The following TOX variants were observed in gnomAD, a reference collection of about 807,000 sequenced individuals.
The protein encoded by TOX is thymocyte selection associated high mobility group box, also known as thymocyte selection-associated high mobility group box protein TOX.
A neutral mutation model predicts 53.7 loss-of-function variants in TOX; 11 were observed. The observed-to-expected ratio is 0.20, with a 90% CI of 0.13 to 0.34. The LOEUF (loss-of-function observed/expected upper bound fraction) is 0.34, where lower values mean the gene tolerates loss of function less well. TOX is among the 10% of genes least tolerant of loss of function. The pLI is 1.00. For missense variants in TOX, 570 were observed against 664.6 expected (o/e 0.86, Z 1.56); for synonymous variants, 225 against 245.3 (o/e 0.92, Z 0.77).
intron 1 of TOX, among the ~76,000 whole-genome samples, chr8:58,995,093 T>C (rs1813537222): frequency 6.6e-6 from 1 of 152,222 alleles, no homozygotes; most frequent in East Asian, 1.9e-4. Context: ...AAAGCTTATT[T>C]AAAATTTTTA....
chr8:58,973,081 A>C (rs918930067), intron 1 of TOX, among the ~76,000 whole-genome samples: 1 of 152,326 alleles, frequency 6.6e-6, no homozygotes, highest in African/African-American at 2.4e-5. Flanking sequence ...CATTTATTTT[A>C]GATTTTTATT....
intron 2 of TOX, among the ~76,000 whole-genome samples, chr8:58,957,298 A>C (rs1812725748): frequency 6.6e-6 from 1 of 152,262 alleles, no homozygotes; most frequent in South Asian, 2.1e-4. Flanking sequence ...TATAGGAGAA[A>C]ACAGTCAATA....
intron 3 of TOX, among the ~76,000 whole-genome samples, chr8:58,909,616 A>T (rs1033771951): frequency 6.6e-6 from 1 of 152,014 alleles, no homozygotes; most frequent in Non-Finnish European, 1.5e-5. Flanking sequence ...ACAAAAATTT[A>T]ATGTTTGAGA....
At chr8:59,064,184 T>C (rs1372233380) in intron 1 of TOX, among the ~76,000 whole-genome samples, 2 of 152,178 alleles carry the variant, frequency 1.3e-5, no homozygotes, top group Non-Finnish European at 2.9e-5. Flanking sequence ...GTTTCCTCTA[T>C]TACAAGGATA....
chr8:58,982,355 G>T (rs1813222491), intron 1 of TOX, among the ~76,000 whole-genome samples: 1 of 152,186 alleles, frequency 6.6e-6, no homozygotes, highest in Non-Finnish European at 1.5e-5. Context: ...CTACAGAGAA[G>T]ATCTCAAATA....
intron 1 of TOX, among the ~76,000 whole-genome samples, chr8:58,971,269 TC>T (rs1229380315): frequency 6.6e-6 from 1 of 152,226 alleles, no homozygotes; most frequent in Non-Finnish European, 1.5e-5. Flanking sequence ...GTTCTTTCCT[TC>T]CCATCGCCCA....
chr8:58,806,615 T>C lies in TOX; in HGVS notation c.*1132A>G, dbSNP rs1372497221. On this transcript the variant is annotated 3_prime_UTR_variant, in exon 9 of 9. Coordinates refer to ENST00000361421, the MANE Select transcript of TOX (RefSeq NM_014729.3). ...TTTTTGTTTGCATCAACCAAAGAAATGCAGAAATAAGGACTGGTTACTTTA... is the reference window on the plus strand; with the variant it reads ...TTTTTGTTTGCATCAACCAAAGAAACGCAGAAATAAGGACTGGTTACTTTA... The C allele has an allele frequency of 6.6e-6, 1 of 152,610 alleles. No homozygotes were observed. Among genetic ancestry groups the C allele is most frequent in the Non-Finnish European group, 1.5e-5 (1 of 68,020 alleles). 9.5% of individuals were successfully genotyped at this position (152,610 alleles called of 1,614,324 possible). A position where few individuals can be genotyped will look rare whatever the true frequency, so the allele number is the denominator to read the frequency against.
intron 1 of TOX, among the ~76,000 whole-genome samples, chr8:59,079,996 T>C (rs1016914905): frequency 2.6e-5 from 4 of 151,654 alleles, no homozygotes; most frequent in Non-Finnish European, 4.4e-5. Flanking sequence ...TTTTTTTTTT[T>C]TTTTGAGATG....
intron 1 of TOX, among the ~76,000 whole-genome samples, chr8:59,076,238 C>T (rs1804291214): frequency 6.6e-6 from 1 of 152,126 alleles, no homozygotes; most frequent in Admixed American, 6.5e-5. Context: ...GAAAGTCACG[C>T]TGCAAGACAC....
intron 2 of TOX, among the ~76,000 whole-genome samples, chr8:58,958,246 G>C (rs374388026): frequency 6.6e-6 from 1 of 152,118 alleles, no homozygotes; most frequent in African/African-American, 2.4e-5. Flanking sequence ...ATTTCAGTAA[G>C]GGCTTAATAT....
At chr8:59,110,681 A>T (rs1189514444) in intron 1 of TOX, among the ~76,000 whole-genome samples, 1 of 151,926 alleles carries the variant, frequency 6.6e-6, no homozygotes, top group Non-Finnish European at 1.5e-5. Context: ...CCCTCATAAT[A>T]GCATCTCTCC....
At chr8:59,037,251 A>G (rs1222161363) in intron 1 of TOX, among the ~76,000 whole-genome samples, 2 of 151,256 alleles carry the variant, frequency 1.3e-5, no homozygotes, top group Non-Finnish European at 2.9e-5. Flanking sequence ...ACATTATCAA[A>G]TGTTGGTATA....
intron 1 of TOX, among the ~76,000 whole-genome samples, chr8:58,985,501 T>C (rs7833731): frequency 1.3e-5 from 2 of 151,912 alleles, no homozygotes; most frequent in African/African-American, 4.8e-5. Flanking sequence ...GGCTAGGAGG[T>C]AGAAAAGGGA....
intron 3 of TOX, among the ~76,000 whole-genome samples, chr8:58,912,506 A>G (rs17297508): frequency 0.066 from 9,995 of 152,302 alleles, 536 homozygotes; most frequent in Admixed American, 0.16. Flanking sequence ...TTTGTTTCAC[A>G]TTAAGTTACT....
chr8:59,013,413 C>CTTTTTT (rs35734986), intron 1 of TOX, among the ~76,000 whole-genome samples: 11 of 146,344 alleles, frequency 7.5e-5, no homozygotes, highest in African/African-American at 7.5e-5. Flanking sequence ...TCAGATAGGC[C>CTTTTTT]TTTTTTTTTT....
At chr8:59,082,802 C>T (rs1053718539) in intron 1 of TOX, among the ~76,000 whole-genome samples, 3 of 152,112 alleles carry the variant, frequency 2.0e-5, no homozygotes, top group African/African-American at 4.8e-5. Flanking sequence ...TCCTCATTTG[C>T]GTACCTCTAC....
In TOX at chr8:58,807,781, C is replaced by A; in HGVS notation, c.1547G>T (p.Gly516Val). ...GTACAGTGCTTTGTCCCTCTGCATG[C>A]CCCTGTAGGAAGAGAAAAAAGACAG... ...DWNNDYCSSG[G>V]MQRDKALYLT The change falls in exon 9 of 9, where the codon GGC becomes GTC. Residue 516 changes from glycine to valine, a missense_variant and splice_region_variant. Physicochemically the swap from Gly to Val is moderately radical, Grantham distance 109. This residue lies in a region of TOX where 239 missense variants were observed against 250.7 expected (regional missense o/e 0.95). Coordinates refer to ENST00000361421, the MANE Select transcript of TOX (RefSeq NM_014729.3). 1 of 1,614,088 alleles carries A rather than the reference C, an allele frequency of 6.2e-7. No homozygotes were observed. The highest frequency in any genetic ancestry group is 8.5e-7 in the Non-Finnish European group (1 of 1,179,966).
intron 1 of TOX, among the ~76,000 whole-genome samples, chr8:59,041,294 T>C (rs1035825803): frequency 6.6e-6 from 1 of 152,174 alleles, no homozygotes; most frequent in Non-Finnish European, 1.5e-5. Context: ...ACTGTGTTGC[T>C]CTGGCACCTT....
intron 1 of TOX, among the ~76,000 whole-genome samples, chr8:59,080,085 T>C (rs374695640): frequency 6.6e-6 from 1 of 151,232 alleles, no homozygotes; most frequent in African/African-American, 2.4e-5. Flanking sequence ...TGGGTTCAAG[T>C]GATTTTCCTG....
Sources: gnomAD v4.1 joint callset for allele counts (sites outside exome capture counted in the v4.1 genomes callset) on GRCh38, gnomAD v4.1.1 for gene constraint, gnomAD v4.1.1 regional missense constraint, MANE v1.5 for transcripts, NCBI Gene and HGNC (gene_info 2026-07-23, HGNC 2026-07-21) for gene names.